Variants in SMARCD2 observed in about 807,000 individuals in gnomAD.
The protein encoded by SMARCD2 is SWI/SNF-related matrix-associated actin-dependent regulator of chromatin subfamily D member 2.
Under a neutral mutation model 70.4 loss-of-function variants are expected in SMARCD2, and 39 were observed. The ratio of observed to expected loss-of-function variants is 0.55; its 90% CI spans 0.43 to 0.72. The LOEUF (loss-of-function observed/expected upper bound fraction) is 0.72, where lower values mean the gene tolerates loss of function less well. Ranked by LOEUF, SMARCD2 falls within the 30% of genes least tolerant of loss-of-function variation. The pLI is 0.00. For synonymous variants in SMARCD2, 249 were observed against 279.4 expected (o/e 0.89, Z 1.08); for missense variants, 540 against 713.4 (o/e 0.76, Z 2.77).
rs914236291 is a variant in SMARCD2, at chr17:63,839,052, G to C, written c.217-1427C>G. Reference sequence around the variant, plus strand: ...AAAGTGGGGGGCTCTGGGGCTTTGGGAGTCCTGCCAAAGTCTCTCTGCATC... The same window carrying C: ...AAAGTGGGGGGCTCTGGGGCTTTGGCAGTCCTGCCAAAGTCTCTCTGCATC... On this transcript the variant is annotated intron_variant, in intron 1 of 12. Coordinates refer to ENST00000448276, the MANE Select transcript of SMARCD2 (RefSeq NM_001098426.2). 5.1e-6 allele frequency: 5 copies of C among 985,162 alleles called. No homozygotes were observed. In the African/African-American group the frequency reaches 7.0e-5, roughly 14 times the overall value. 61.0% of individuals were successfully genotyped at this position (985,162 alleles called of 1,614,324 possible).
At position 63,837,178 on chromosome 17, in the gene SMARCD2, G is replaced by A. The variant is rs1463837358; in HGVS notation, c.444+17C>T. On this transcript the variant is annotated intron_variant, in intron 3 of 12. Transcript: ENST00000448276. The surrounding 1 kb of genome is among the most constrained non-coding windows in gnomAD (Gnocchi z 6.4). Reference sequence around the variant, plus strand: ...TGGCCACTGGGCAGGCCTCCCAGGTGTCCTCTTAACACTTACTCGCTGAGG... The same window carrying A: ...TGGCCACTGGGCAGGCCTCCCAGGTATCCTCTTAACACTTACTCGCTGAGG... The A allele has an allele frequency of 2.5e-6, 4 of 1,612,842 alleles. No homozygotes were observed. Among genetic ancestry groups the A allele is most frequent in the East Asian group, 2.2e-5 (1 of 44,892 alleles).
At chr17:63,838,745 C>A (rs1233553750) in intron 1 of SMARCD2, 13 of 1,282,564 alleles carry the variant, frequency 1.0e-5, no homozygotes, top group Non-Finnish European at 1.3e-5. Flanking sequence ...GGCAGCTTCA[C>A]AGGGCTGGCC....
chr17:63,833,034 A>G lies in SMARCD2; in HGVS notation c.1542+35T>C. 6.3e-7 allele frequency: 1 copy of G among 1,585,980 alleles called. No individual in the cohort carries two copies. Among genetic ancestry groups the G allele is most frequent in the Non-Finnish European group, 8.6e-7 (1 of 1,167,170 alleles). On this transcript the variant is annotated intron_variant, in intron 12 of 12. Transcript: ENST00000448276. This position sits in a 1 kb window ranked among gnomAD's most constrained non-coding sequence, Gnocchi z 4.3. Reference sequence around the variant, plus strand: ...CAAGTGGCTCAGGCCTTTGCTACTCACGGCCAAAGGAGGGAAAACAGGGCA... The same window carrying G: ...CAAGTGGCTCAGGCCTTTGCTACTCGCGGCCAAAGGAGGGAAAACAGGGCA...
In SMARCD2 at chr17:63,834,459, C is replaced by T. The variant is rs1431337005; in HGVS notation, c.921+15G>A. 5 of 1,571,742 alleles carry T rather than the reference C, an allele frequency of 3.2e-6. No homozygotes were observed. On this transcript the variant is annotated intron_variant, in intron 7 of 12. Coordinates refer to ENST00000448276, the MANE Select transcript of SMARCD2 (RefSeq NM_001098426.2). This position sits in a 1 kb window ranked among gnomAD's most constrained non-coding sequence, Gnocchi z 5.6. ...GTCCCTGTGGGCCCAGAAATGACCC[C>T]AGGGTCTCTGTCACCTGATGATCCA...
Position 63,837,200 on chromosome 17 carries a change from G to T in SMARCD2, c.439C>A (p.Gln147Lys), listed in dbSNP as rs1401174565. Residue 147 changes from glutamine to lysine, a missense_variant, in exon 3 of 13, where the codon CAG (glutamine) becomes AAG (lysine). Gln to Lys is a moderately conservative substitution (Grantham distance 53). Transcript: ENST00000448276. The surrounding 1 kb of genome is among the most constrained non-coding windows in gnomAD (Gnocchi z 6.4). ...GGTGTCCTCTTAACACTTACTCGCTGAGGTAGAACCTTATCTGCCATCTTC... is the reference window on the plus strand; with the variant it reads ...GGTGTCCTCTTAACACTTACTCGCTTAGGTAGAACCTTATCTGCCATCTTC... ...RRKMADKVLP[Q>K]RIRELVPESQ... 1 of 1,613,792 alleles carries T rather than the reference G, an allele frequency of 6.2e-7. No individual in the cohort carries two copies. Among genetic ancestry groups the T allele is most frequent in the East Asian group, 2.2e-5 (1 of 44,886 alleles).
chr17:63,840,840 C>T (rs899531913), intron 1 of SMARCD2, among the ~76,000 whole-genome samples: 5 of 152,254 alleles, frequency 3.3e-5, no homozygotes, highest in Non-Finnish European at 7.3e-5. Flanking sequence ...GGGCCATCTC[C>T]TACTTCCGCA....
At chr17:63,840,314 C>G (rs946077759) in intron 1 of SMARCD2, among the ~76,000 whole-genome samples, 1 of 149,116 alleles carries the variant, frequency 6.7e-6, no homozygotes, top group Non-Finnish European at 1.5e-5. Context: ...GGACCATAAG[C>G]GCACACCACC....
chr17:63,832,616 G>A lies in SMARCD2; in HGVS notation c.*322C>T. 1 of 428,774 alleles carries A rather than the reference G, an allele frequency of 2.3e-6. No homozygotes were observed. Among genetic ancestry groups the A allele is most frequent in the Non-Finnish European group, 4.3e-6 (1 of 230,426 alleles). The allele number at this position is 428,774 out of a possible 1,614,324, so 26.6% of individuals were successfully genotyped here. A position where few individuals can be genotyped will look rare whatever the true frequency, so the allele number is the denominator to read the frequency against. ...CTGACCCTCGCCCCAGGGGGAGTCT[G>A]TAAACATGCAAACCCAGCAGCCTTT... On this transcript the variant is annotated 3_prime_UTR_variant, in exon 13 of 13. Transcript: ENST00000448276.
chr17:63,836,597 C>G (rs1292082361), intron 4 of SMARCD2: 4 of 186,310 alleles, frequency 2.1e-5, no homozygotes, highest in African/African-American at 4.8e-5. Flanking sequence ...GGTTTTCAAA[C>G]TTTTGACCAC....
Position 63,834,396 on chromosome 17 carries a change from C to T in SMARCD2, c.922-68G>A. 17 of 1,575,594 alleles carry T rather than the reference C, an allele frequency of 1.1e-5. No homozygotes were observed. The highest frequency in any genetic ancestry group is 1.5e-5 in the Non-Finnish European group (17 of 1,152,768). On this transcript the variant is annotated intron_variant, in intron 7 of 12. Transcript: ENST00000448276. The surrounding 1 kb of genome is among the most constrained non-coding windows in gnomAD (Gnocchi z 5.6). ...GAACAGTGGGAAAATAGGGCAGGGA[C>T]AGGAAGGGTTTCTAGGAACCAGCTC...
chr17:63,834,380 G>A lies in SMARCD2; in HGVS notation c.922-52C>T. 19 of 1,587,274 alleles carry A rather than the reference G, an allele frequency of 1.2e-5. No individual in the cohort carries two copies. Among genetic ancestry groups the A allele is most frequent in the Non-Finnish European group, 1.6e-5 (18 of 1,159,932 alleles). On this transcript the variant is annotated intron_variant, in intron 7 of 12. Transcript: ENST00000448276. This position sits in a 1 kb window ranked among gnomAD's most constrained non-coding sequence, Gnocchi z 5.6. ...ACGGGTTCTTATAGTAGAACAGTGG[G>A]AAAATAGGGCAGGGACAGGAAGGGT...
At position 63,833,370 on chromosome 17, in the gene SMARCD2, G is replaced by T; in HGVS notation, c.1368C>A (p.Phe456Leu). The change falls in exon 11 of 13, where the codon TTC becomes TTA. Residue 456 changes from phenylalanine (F) to leucine (L), a missense_variant. Physicochemically the swap from Phe to Leu is conservative, Grantham distance 22. Coordinates refer to ENST00000448276, the MANE Select transcript of SMARCD2 (RefSeq NM_001098426.2). The surrounding 1 kb of genome is among the most constrained non-coding windows in gnomAD (Gnocchi z 4.3). ...SINQLKTQRD[F>L]MLSFSTDPQD... ...GGGGGTCGGTGCTAAAACTGAGCAT[G>T]AAATCTCTCTGGGTCTTCAGCTGGT... The T allele has an allele frequency of 6.2e-7, 1 of 1,614,046 alleles. No homozygotes were observed. Among genetic ancestry groups the T allele is most frequent in the Non-Finnish European group, 8.5e-7 (1 of 1,179,908 alleles).
rs371217858 is a variant in SMARCD2, at chr17:63,836,934, T to C, written c.555A>G (p.Lys185=). 4 of 1,613,736 alleles carry C rather than the reference T, an allele frequency of 2.5e-6. No homozygotes were observed. Among genetic ancestry groups the C allele is most frequent in the Non-Finnish European group, 3.4e-6 (4 of 1,179,782 alleles). The change falls in exon 4 of 13, where the codon AAA becomes AAG. Residue 185 remains lysine, a synonymous_variant. Transcript: ENST00000448276. The part of the protein sequence containing the change: ...RKRMEIQEAI[K]KPLTQKRKLR... ...GGGCCACACATACTGTCAGAGGCTT[T>C]TTGATGGCCTCCTGGATCTCCATCC...
chr17:63,835,892 C>G (rs4968601), intron 4 of SMARCD2, among the ~76,000 whole-genome samples: 1 of 152,134 alleles, frequency 6.6e-6, no homozygotes, highest in Non-Finnish European at 1.5e-5. Flanking sequence ...CCATGCCCAG[C>G]TAATTTTTTG....
At chr17:63,836,355 G>A (rs754336258) in intron 4 of SMARCD2, among the ~76,000 whole-genome samples, 5 of 151,840 alleles carry the variant, frequency 3.3e-5, no homozygotes, top group Non-Finnish European at 4.4e-5. Context: ...AAAATTAGCC[G>A]GGCGTGGTGA....
Position 63,832,850 on chromosome 17 carries a change from C to G in SMARCD2, c.*88G>C. On this transcript the variant is annotated 3_prime_UTR_variant, in exon 13 of 13. Coordinates refer to ENST00000448276, the MANE Select transcript of SMARCD2 (RefSeq NM_001098426.2). Reference sequence around the variant, plus strand: ...GAGGGTGACAGCAGACACTCCTCACCCCAGCCTACGTGTCTGCGGCCCCAG... The same window carrying G: ...GAGGGTGACAGCAGACACTCCTCACGCCAGCCTACGTGTCTGCGGCCCCAG... 2 of 1,121,818 alleles carry G rather than the reference C, an allele frequency of 1.8e-6. No individual in the cohort carries two copies. The highest frequency in any genetic ancestry group is 2.6e-6 in the Non-Finnish European group (2 of 756,844). The allele number at this position is 1,121,818 out of a possible 1,614,324, so 69.5% of individuals were successfully genotyped here. A position where few individuals can be genotyped will look rare whatever the true frequency, so the allele number is the denominator to read the frequency against.
At chr17:63,836,500 GAAAAAAAAAAAA>G (rs61376475) in intron 4 of SMARCD2, among the ~76,000 whole-genome samples, 1 of 64,824 alleles carries the variant, frequency 1.5e-5, no homozygotes, top group East Asian at 4.8e-4. Flanking sequence ...CTCCATCTCA[GAAAAAAAAAAAA>G]AAAAAAAAAA....
rs77848651 is a variant in SMARCD2, at chr17:63,836,208, G to C, written c.568-641C>G. ...CCCCTGGAAAGGCTTCACCACTCGGGACTGTTCTACATTATTATTAAGAAA... is the reference window on the plus strand; with the variant it reads ...CCCCTGGAAAGGCTTCACCACTCGGCACTGTTCTACATTATTATTAAGAAA... On this transcript the variant is annotated intron_variant, in intron 4 of 12. Coordinates refer to ENST00000448276, the MANE Select transcript of SMARCD2 (RefSeq NM_001098426.2). Among the ~76,000 whole-genome samples the C allele has an allele frequency of 5.9e-4, 89 of 151,546 alleles. 2 individuals are homozygous for C. Among genetic ancestry groups the C allele is most frequent in the African/African-American group, 2.1e-3 (86 of 41,344 alleles).
chr17:63,834,064 C>A lies in SMARCD2; in HGVS notation c.1084-58G>T. On this transcript the variant is annotated intron_variant, in intron 8 of 12. Coordinates refer to ENST00000448276, the MANE Select transcript of SMARCD2 (RefSeq NM_001098426.2). The surrounding 1 kb of genome is among the most constrained non-coding windows in gnomAD (Gnocchi z 5.6). ...TGTGGGCACAGTGGAGTGGACCATT[C>A]CAGGACCAGTGAGGGCAGCAGTCTG... The A allele has an allele frequency of 6.3e-7, 1 of 1,593,330 alleles. No homozygotes were observed. The highest frequency in any genetic ancestry group is 1.1e-5 in the South Asian group (1 of 90,422).
Sources: gnomAD v4.1 joint callset for allele counts (sites outside exome capture counted in the v4.1 genomes callset) on GRCh38, gnomAD v4.1.1 for gene constraint, Gnocchi (gnomAD v3.1) non-coding constraint, MANE v1.5 for transcripts, NCBI Gene and HGNC (gene_info 2026-07-23, HGNC 2026-07-21) for gene names.